Variants in LAMA2 observed in about 807,000 individuals in gnomAD.
The protein encoded by LAMA2 is laminin subunit alpha 2.
Under a neutral mutation model 364.8 loss-of-function variants are expected in LAMA2, and 269 were observed. The observed-to-expected ratio is 0.74, with a 90% CI of 0.67 to 0.82. The LOEUF is 0.82. Ranked by LOEUF, LAMA2 falls within the 40% of genes least tolerant of loss-of-function variation. The probability of loss-of-function intolerance (pLI) is 0.00; values close to 1 mark genes in which losing one functional copy is unlikely to be tolerated. For missense variants in LAMA2, 3,807 were observed against 3,873.2 expected, an observed-to-expected ratio of 0.98 and a Z score of 0.45; for synonymous variants, 1,379 against 1,370.6, an observed-to-expected ratio of 1.01 and a Z score of -0.14.
At chr6:129,332,749 G>A (rs956075989) in intron 29 of LAMA2, among the ~76,000 whole-genome samples, 1 of 152,036 alleles carries the variant, frequency 6.6e-6, no homozygotes, top group African/African-American at 2.4e-5. Flanking sequence ...TTTCAACATA[G>A]TAAATGTACT....
rs1218110933 is a variant in LAMA2, at chr6:128,883,791, T to TACAC, written c.112+435_112+436insCACA. ...GCTGATGCATCAAAAAAAAATTATA[T>TACAC]ATATATATATACACACACACACACA... On this transcript the variant is annotated intron_variant, in intron 1 of 64. Transcript: ENST00000421865. Among the ~76,000 whole-genome samples, 25 of 127,444 alleles carry TACAC rather than the reference T, an allele frequency of 2.0e-4. No homozygotes were observed. The South Asian group carries it at 3.2e-3, about 16-fold the overall frequency. The allele number at this position is 127,444 out of a possible 152,430, so 83.6% of individuals were successfully genotyped here.
At chr6:129,097,599 A>G (rs1234144381) in intron 3 of LAMA2, among the ~76,000 whole-genome samples, 1 of 151,956 alleles carries the variant, frequency 6.6e-6, no homozygotes, top group Non-Finnish European at 1.5e-5. Context: ...CTCCTCCATT[A>G]TTTTCTATTT....
intron 33 of LAMA2, 104 bp downstream of exon 33, chr6:129,366,465 A>G (rs1777785653): frequency 2.4e-6 from 3 of 1,257,558 alleles, no homozygotes; most frequent in Admixed American, 3.9e-5. Context: ...GCCCCAAATC[A>G]AGGGACACAA....
At chr6:129,460,048 T>C in intron 48 of LAMA2, 152 bp from the exon 49 acceptor site, 1 of 731,284 alleles carries the variant, frequency 1.4e-6, no homozygotes, top group Non-Finnish European at 2.4e-6. Flanking sequence ...ACGGACAGAC[T>C]ATGATGAAAA....
intron 1 of LAMA2, among the ~76,000 whole-genome samples, chr6:128,930,156 A>G (rs1259424486): frequency 6.6e-6 from 1 of 152,188 alleles, no homozygotes; most frequent in Non-Finnish European, 1.5e-5. Flanking sequence ...GCACGGCGGC[A>G]CTGCGTTTGC....
intron 28 of LAMA2, among the ~76,000 whole-genome samples, chr6:129,326,568 C>T (rs1775296955): frequency 6.6e-6 from 1 of 151,346 alleles, no homozygotes; most frequent in Non-Finnish European, 1.5e-5. Flanking sequence ...ATTTTTTACA[C>T]AAATTTTTAC....
intron 22 of LAMA2, among the ~76,000 whole-genome samples, chr6:129,307,518 C>T (rs749901132): frequency 4.6e-5 from 7 of 152,212 alleles, no homozygotes; most frequent in Non-Finnish European, 7.3e-5. Context: ...AGCTATAATG[C>T]GGGCTTTGGG....
chr6:128,951,259 AT>A (rs71663748), intron 1 of LAMA2, among the ~76,000 whole-genome samples: 8,756 of 152,088 alleles, frequency 0.058, 863 homozygotes, highest in African/African-American at 0.2. Flanking sequence ...AAAAATAGGG[AT>A]TTTTTCTTTG....
chr6:129,343,273 G>A lies in LAMA2; in HGVS notation c.4436+806G>A, dbSNP rs540736114. Among the ~76,000 whole-genome samples, 5 of 152,274 alleles carry A rather than the reference G, an allele frequency of 3.3e-5. No homozygotes were observed. In the East Asian group the frequency reaches 9.6e-4, roughly 29 times the overall value. ...ATTAGAATTCTGGACACTTTATCTT[G>A]AGTGTTAAACAGCCACAGAGCAATT... On this transcript the variant is annotated intron_variant, in intron 30 of 64. Transcript: ENST00000421865.
At chr6:128,898,619 GC>G (rs1211327045) in intron 1 of LAMA2, among the ~76,000 whole-genome samples, 1 of 152,154 alleles carries the variant, frequency 6.6e-6, no homozygotes, top group Non-Finnish European at 1.5e-5. Flanking sequence ...CCTCCCAGCT[GC>G]TCTCCCTTCT....
intron 22 of LAMA2, among the ~76,000 whole-genome samples, chr6:129,307,893 A>T (rs529257215): frequency 4.4e-4 from 67 of 152,334 alleles, no homozygotes; most frequent in African/African-American, 1.4e-3. Context: ...AAATATTGGA[A>T]CGTGATGACC....
chr6:129,151,811 C>T (rs369578623), intron 7 of LAMA2, among the ~76,000 whole-genome samples: 2 of 152,076 alleles, frequency 1.3e-5, no homozygotes, highest in South Asian at 2.1e-4. Flanking sequence ...TCCCTCCATA[C>T]GTGGAGATTA....
At chr6:129,255,724 TC>T (rs1321476559) in intron 14 of LAMA2, among the ~76,000 whole-genome samples, 2 of 152,148 alleles carry the variant, frequency 1.3e-5, no homozygotes, top group African/African-American at 2.4e-5. Context: ...TAATAAATAA[TC>T]TAGAAAAATT....
At chr6:129,252,852 T>G (rs1383758678) in intron 14 of LAMA2, among the ~76,000 whole-genome samples, 3 of 152,202 alleles carry the variant, frequency 2.0e-5, no homozygotes, top group Non-Finnish European at 4.4e-5. Flanking sequence ...AGAAATTCAA[T>G]AAGCTTTATT....
intron 53 of LAMA2, among the ~76,000 whole-genome samples, chr6:129,478,090 G>A (rs1174489168): frequency 6.6e-6 from 1 of 152,082 alleles, no homozygotes; most frequent in Non-Finnish European, 1.5e-5. Flanking sequence ...CACTACACTC[G>A]GCCAGTAAAC....
intron 40 of LAMA2, among the ~76,000 whole-genome samples, chr6:129,421,076 G>C (rs1198394693): frequency 6.6e-6 from 1 of 152,122 alleles, no homozygotes. Context: ...GCTTTAGCAA[G>C]AGTAATTATG....
chr6:129,152,452 G>A (rs964084509), intron 7 of LAMA2, among the ~76,000 whole-genome samples: 1 of 152,168 alleles, frequency 6.6e-6, no homozygotes, highest in African/African-American at 2.4e-5. Context: ...TAGAAATTAT[G>A]CTTCCAGGAA....
At chr6:129,409,130 T>C (rs1780395534) in intron 40 of LAMA2, among the ~76,000 whole-genome samples, 1 of 152,168 alleles carries the variant, frequency 6.6e-6, no homozygotes, top group South Asian at 2.1e-4. Context: ...CACAACCAGG[T>C]GCCCTGCTCA....
Position 129,219,546 on chromosome 6 carries a change from T to TA in LAMA2, c.1782+26694dup, listed in dbSNP as rs1397557412. Among the ~76,000 whole-genome samples, 6 of 151,184 alleles carry TA rather than the reference T, an allele frequency of 4.0e-5. No individual in the cohort carries two copies. In the East Asian group the frequency reaches 1.2e-3, roughly 29 times the overall value. ...TGCACACGTATGTTTATTGTGGCAC[T>TA]ATTCACAATAGCAAAGACTTGGAAC... On this transcript the variant is annotated intron_variant, in intron 12 of 64. Coordinates refer to ENST00000421865, the MANE Select transcript of LAMA2 (RefSeq NM_000426.4).
Sources: allele counts gnomAD v4.1 joint callset (sites outside exome capture counted in the v4.1 genomes callset), GRCh38; gene constraint gnomAD v4.1.1; transcripts MANE v1.5; gene names NCBI Gene and HGNC (gene_info 2026-07-23, HGNC 2026-07-21).